TRIM9: variants seen among roughly 807,000 people sequenced by gnomAD.
TRIM9 encodes the protein tripartite motif containing 9, also known as E3 ubiquitin-protein ligase TRIM9.
In TRIM9, 26 loss-of-function variants were observed where a neutral mutation model predicts 78.3. The observed-to-expected ratio is 0.33, with a 90% CI of 0.24 to 0.46. TRIM9 has a LOEUF of 0.46. Among genes scored for constraint, TRIM9 ranks in the 20% least tolerant of loss-of-function variants. TRIM9 has a pLI of 1.00. For missense variants in TRIM9, 787 were observed against 1,036.4 expected, an observed-to-expected ratio of 0.76 and a Z score of 3.30; for synonymous variants, 398 against 416.5, an observed-to-expected ratio of 0.96 and a Z score of 0.54.
chr14:51,056,298 T>G (rs2060892811), intron 1 of TRIM9, among the ~76,000 whole-genome samples: 1 of 152,240 alleles, frequency 6.6e-6, no homozygotes, highest in Non-Finnish European at 1.5e-5. Context: ...TATTTGTTTT[T>G]CAAATTAAAA....
intron 7 of TRIM9, chr14:50,996,089 T>A: frequency 2.0e-6 from 2 of 985,392 alleles, no homozygotes; most frequent in Non-Finnish European, 2.4e-6. Context: ...GTGTGTGAAC[T>A]TTATTTCATC....
At position 51,083,319 on chromosome 14, in the gene TRIM9, A is replaced by T. The variant is rs112778856; in HGVS notation, c.822+10799T>A. Among the ~76,000 whole-genome samples the T allele has an allele frequency of 3.6e-4, 55 of 152,226 alleles. 2 individuals carry two copies. Among genetic ancestry groups the T allele is most frequent in the African/African-American group, 1.2e-3 (51 of 41,542 alleles). On this transcript the variant is annotated intron_variant, in intron 1 of 12. Transcript: ENST00000684578. ...CCAGGCTGCATGCATTGGTGTAATC[A>T]TGGCTCACTGTAATCTCGAACTCCT...
intron 8 of TRIM9, 109 bp downstream of exon 8, chr14:50,985,847 T>C (rs4901070): frequency 0.029 from 29,133 of 1,004,032 alleles, 1,198 homozygotes; most frequent in African/African-American, 0.17. Flanking sequence ...AGACAGAGAC[T>C]AGCTCATCCC....
intron 5 of TRIM9, among the ~76,000 whole-genome samples, chr14:51,007,800 CAAAA>C (rs3029461): frequency 2.0e-4 from 26 of 132,822 alleles, no homozygotes; most frequent in Admixed American, 3.7e-4. Context: ...CATATTAAAC[CAAAA>C]AAAAAAAAAA....
intron 6 of TRIM9, 53 bp from the exon 7 acceptor site, chr14:50,998,241 C>T (rs41299203): frequency 0.024 from 37,373 of 1,572,660 alleles, 888 homozygotes; most frequent in Admixed American, 0.088. Flanking sequence ...TTCTGAGGGG[C>T]GAGGGAGGCA....
At chr14:51,035,012 C>T (rs979087616) in intron 1 of TRIM9, among the ~76,000 whole-genome samples, 27 of 151,824 alleles carry the variant, frequency 1.8e-4, no homozygotes, top group African/African-American at 6.3e-4. Context: ...CATATTTAGT[C>T]ATATGGGAAA....
intron 3 of TRIM9, among the ~76,000 whole-genome samples, chr14:51,016,401 C>T (rs1231077256): frequency 6.6e-6 from 1 of 151,924 alleles, no homozygotes; most frequent in African/African-American, 2.4e-5. Context: ...GTTGCCCGCT[C>T]CTTATGAGAA....
At chr14:51,044,624 T>C (rs1410533087) in intron 1 of TRIM9, among the ~76,000 whole-genome samples, 1 of 152,190 alleles carries the variant, frequency 6.6e-6, no homozygotes, top group Non-Finnish European at 1.5e-5. Flanking sequence ...AGGCCAAGGA[T>C]TGTGGACCAG....
At position 51,094,217 on chromosome 14, in the gene TRIM9, G is replaced by T; in HGVS notation, c.723C>A (p.Cys241Ter). 1 of 1,614,194 alleles carries T rather than the reference G, an allele frequency of 6.2e-7. No homozygotes were observed. Among genetic ancestry groups the T allele is most frequent in the Non-Finnish European group, 8.5e-7 (1 of 1,180,030 alleles). The change falls in exon 1 of 13, where the codon TGC (cysteine) becomes TGA (stop). Residue 241 changes from cysteine to a stop codon, truncating the protein, a stop_gained. Transcript: ENST00000684578. LOFTEE classifies it high-confidence loss of function. ...DHELENHSMY[C>*]VQCKMPVCYQ... is the part of the protein sequence containing the mutation. ...AGCACACGGGCATCTTGCATTGCAC[G>T]CAGTACATGCTGTGGTTCTCCAGCT...
rs141607470 is a variant in TRIM9, at chr14:50,997,313, G to A, written c.1603+737C>T. 1.0e-4 allele frequency: 102 copies of A among 985,352 alleles called. No homozygotes were observed. The African/African-American group carries it at 1.7e-3, about 16-fold the overall frequency. 61.0% of individuals were successfully genotyped at this position (985,352 alleles called of 1,614,324 possible). A position where few individuals can be genotyped will look rare whatever the true frequency, so the allele number is the denominator to read the frequency against. On this transcript the variant is annotated intron_variant, in intron 7 of 12. Transcript: ENST00000684578. The stretch of plus-strand genomic sequence containing the variant: ...GTCTTTGATGACCAAAATATTTAAA[G>A]TATAGCTAAGAAGCAAAAATTCTCT...
At chr14:51,005,534 G>A (rs1201374280) in intron 5 of TRIM9, among the ~76,000 whole-genome samples, 1 of 152,114 alleles carries the variant, frequency 6.6e-6, no homozygotes, top group Non-Finnish European at 1.5e-5. Flanking sequence ...GAGGAAGTAG[G>A]TATCTGAAAT....
At chr14:51,001,228 ATTTT>A (rs34019183) in intron 5 of TRIM9, among the ~76,000 whole-genome samples, 4 of 130,606 alleles carry the variant, frequency 3.1e-5, no homozygotes, top group African/African-American at 2.9e-5. Flanking sequence ...TGTGCTAATA[ATTTT>A]TTTTTTTTTT....
chr14:50,994,836 T>C (rs868304086), intron 7 of TRIM9, among the ~76,000 whole-genome samples: 2 of 152,364 alleles, frequency 1.3e-5, no homozygotes, highest in Admixed American at 6.5e-5. Flanking sequence ...GGGGCCTTAT[T>C]TGAAAATTTC....
intron 1 of TRIM9, among the ~76,000 whole-genome samples, chr14:51,044,005 G>A (rs1406186067): frequency 6.6e-6 from 1 of 152,114 alleles, no homozygotes; most frequent in Non-Finnish European, 1.5e-5. Context: ...TGATAGACTG[G>A]AGCAATGGTC....
At chr14:50,996,079 G>A (rs2054174976) in intron 7 of TRIM9, 2 of 984,988 alleles carry the variant, frequency 2.0e-6, no homozygotes, top group African/African-American at 1.7e-5. Context: ...GAGAAAGTAT[G>A]TGTGTGAACT....
intron 7 of TRIM9, among the ~76,000 whole-genome samples, chr14:50,993,912 A>G (rs928952426): frequency 6.6e-6 from 1 of 152,202 alleles, no homozygotes; most frequent in African/African-American, 2.4e-5. Flanking sequence ...GATGACAATA[A>G]TAATACCTTC....
chr14:51,087,528 A>T (rs1213063875), intron 1 of TRIM9, among the ~76,000 whole-genome samples: 1 of 152,152 alleles, frequency 6.6e-6, no homozygotes, highest in African/African-American at 2.4e-5. Context: ...ACCCCAGGGG[A>T]ATGATCTTGG....
At chr14:51,054,561 C>T (rs1400334784) in intron 1 of TRIM9, among the ~76,000 whole-genome samples, 1 of 151,982 alleles carries the variant, frequency 6.6e-6, no homozygotes, top group Non-Finnish European at 1.5e-5. Context: ...CAGGAATGAG[C>T]CATTGCCGCC....
At position 51,040,223 on chromosome 14, in the gene TRIM9, C is replaced by T. The variant is rs190321162; in HGVS notation, c.823-14863G>A. Among the ~76,000 whole-genome samples the T allele has an allele frequency of 2.2e-4, 34 of 152,332 alleles. No individual in the cohort carries two copies. In the East Asian group the frequency reaches 5.4e-3, roughly 24 times the overall value. On this transcript the variant is annotated intron_variant, in intron 1 of 12. Transcript: ENST00000684578. The stretch of plus-strand genomic sequence containing the variant: ...ACCTCTGAATTTAAATAGATATCCA[C>T]AAAATCCTCAAGCCACTTATAATTG...
Sources: gnomAD v4.1 joint callset for allele counts (sites outside exome capture counted in the v4.1 genomes callset) on GRCh38, gnomAD v4.1.1 for gene constraint, MANE v1.5 for transcripts, NCBI Gene and HGNC (gene_info 2026-07-23, HGNC 2026-07-21) for gene names.